CTNNA3: variants seen among roughly 807,000 people sequenced by gnomAD.
CTNNA3 encodes catenin alpha 3.
CTNNA3 carries 76 observed loss-of-function variants against 95.7 expected under a neutral mutation model. The ratio of observed to expected loss-of-function variants is 0.79; its 90% confidence interval spans 0.66 to 0.96. CTNNA3 has a LOEUF of 0.96. Among genes scored for constraint, CTNNA3 ranks in the 40% least tolerant of loss-of-function variants. The pLI is 0.00. For synonymous variants in CTNNA3, 431 were observed against 374.4 expected, an observed-to-expected ratio of 1.15 and a Z score of -1.74; for missense variants, 1,191 against 1,089.8, an observed-to-expected ratio of 1.09 and a Z score of -1.31.
chr10:66,642,208 T>G (rs1845539270), intron 9 of CTNNA3, among the ~76,000 whole-genome samples: 1 of 151,674 alleles, frequency 6.6e-6, no homozygotes, highest in Non-Finnish European at 1.5e-5. Context: ...GAAATTCTCA[T>G]TTTCTTCAGA....
chr10:66,658,212 T>TTC (rs1358467861), intron 9 of CTNNA3, among the ~76,000 whole-genome samples: 14 of 132,664 alleles, frequency 1.1e-4, no homozygotes, highest in Admixed American at 9.2e-4. Context: ...GACTAGAAAA[T>TTC]TCTCTCTCTC....
chr10:67,555,446 G>C (rs1841205448), intron 3 of CTNNA3, among the ~76,000 whole-genome samples: 1 of 152,150 alleles, frequency 6.6e-6, no homozygotes, highest in African/African-American at 2.4e-5. Flanking sequence ...GTGGTTTGTA[G>C]TTCTCCTTGA....
intron 5 of CTNNA3, among the ~76,000 whole-genome samples, chr10:67,342,061 T>C (rs1016345858): frequency 6.7e-6 from 1 of 150,266 alleles, no homozygotes; most frequent in Non-Finnish European, 1.5e-5. Context: ...AGTTTCCCAG[T>C]ATATATTTTT....
intron 7 of CTNNA3, among the ~76,000 whole-genome samples, chr10:66,784,302 ATAAAT>A (rs148909340): frequency 0.09 from 13,682 of 152,234 alleles, 792 homozygotes; most frequent in Non-Finnish European, 0.13. Context: ...TTCCTTCAAG[ATAAAT>A]TAGTAGGTAA....
At chr10:67,450,905 C>G (rs1440692754) in intron 5 of CTNNA3, among the ~76,000 whole-genome samples, 1 of 151,658 alleles carries the variant, frequency 6.6e-6, no homozygotes, top group Non-Finnish European at 1.5e-5. Flanking sequence ...GATATAATAT[C>G]TATATATCTA....
At chr10:66,191,607 G>A (rs1394325756) in intron 13 of CTNNA3, among the ~76,000 whole-genome samples, 2 of 104,834 alleles carry the variant, frequency 1.9e-5, no homozygotes, top group South Asian at 4.8e-4. Flanking sequence ...AATGTGAACT[G>A]TATGACTTGA....
intron 13 of CTNNA3, among the ~76,000 whole-genome samples, chr10:66,269,122 C>A (rs969112251): frequency 1.3e-5 from 2 of 152,176 alleles, no homozygotes; most frequent in African/African-American, 2.4e-5. Flanking sequence ...ATACATTAAC[C>A]CTTTTAAACT....
chr10:66,843,607 G>A (rs978616321), intron 7 of CTNNA3, among the ~76,000 whole-genome samples: 1 of 152,174 alleles, frequency 6.6e-6, no homozygotes, highest in Non-Finnish European at 1.5e-5. Context: ...AGAGGAACTT[G>A]ACAGAGTAGG....
At chr10:66,014,917 A>G (rs1263111268) in intron 15 of CTNNA3, among the ~76,000 whole-genome samples, 4 of 152,084 alleles carry the variant, frequency 2.6e-5, no homozygotes, top group Admixed American at 6.6e-5. Context: ...ATCCTGGCCA[A>G]CATGGTGAAA....
intron 9 of CTNNA3, among the ~76,000 whole-genome samples, chr10:66,764,338 C>T (rs1255474942): frequency 6.6e-6 from 1 of 152,128 alleles, no homozygotes. Context: ...TATAAGGTAG[C>T]ATTCCCAAGT....
chr10:66,505,649 C>A (rs1707591389), intron 11 of CTNNA3, among the ~76,000 whole-genome samples: 1 of 152,020 alleles, frequency 6.6e-6, no homozygotes, highest in Admixed American at 6.6e-5. Flanking sequence ...CTGGTTCTCA[C>A]CTTCCTATTG....
intron 6 of CTNNA3, among the ~76,000 whole-genome samples, chr10:67,204,553 T>C (rs952637047): frequency 5.9e-5 from 9 of 152,182 alleles, no homozygotes; most frequent in African/African-American, 1.2e-4. Context: ...CAGGTATTCA[T>C]AGCAGTGCAA....
chr10:67,023,373 C>A (rs891676710), intron 7 of CTNNA3, among the ~76,000 whole-genome samples: 1 of 152,056 alleles, frequency 6.6e-6, no homozygotes, highest in Non-Finnish European at 1.5e-5. Context: ...TTCCTGAAGT[C>A]AAGAACTTCA....
intron 12 of CTNNA3, among the ~76,000 whole-genome samples, chr10:66,290,834 C>T (rs2091669370): frequency 6.6e-6 from 1 of 152,124 alleles, no homozygotes; most frequent in Admixed American, 6.6e-5. Flanking sequence ...TGAGTTACTT[C>T]TTGTAGGATG....
intron 11 of CTNNA3, among the ~76,000 whole-genome samples, chr10:66,486,236 A>G (rs914745556): frequency 1.3e-5 from 2 of 152,226 alleles, no homozygotes; most frequent in African/African-American, 4.8e-5. Flanking sequence ...TCATTTGTAC[A>G]GCAAGGAAAC....
intron 9 of CTNNA3, among the ~76,000 whole-genome samples, chr10:66,765,504 C>T (rs1564667740): frequency 6.6e-6 from 1 of 152,102 alleles, no homozygotes; most frequent in African/African-American, 2.4e-5. Flanking sequence ...ATCTATGGAT[C>T]TAGTAGATAA....
chr10:66,508,188 T>G (rs1029210761), intron 11 of CTNNA3, among the ~76,000 whole-genome samples: 25 of 145,536 alleles, frequency 1.7e-4, no homozygotes, highest in South Asian at 4.3e-4. Context: ...TTGTTTTTTT[T>G]TTTTGTTTTG....
At position 65,920,263 on chromosome 10, in the gene CTNNA3, G is replaced by T; in HGVS notation, c.*67C>A. ...TTAGTGAAATTACAGAACTTCTTAA[G>T]TGTAAAATAAAGCAGTGTGGTTAGG... On this transcript the variant is annotated 3_prime_UTR_variant, in exon 18 of 18. Transcript: ENST00000433211. 7.5e-7 allele frequency: 1 copy of T among 1,331,904 alleles called. No individual in the cohort carries two copies. The highest frequency in any genetic ancestry group is 1.0e-6 in the Non-Finnish European group (1 of 956,366). The allele number at this position is 1,331,904 out of a possible 1,614,324, so 82.5% of individuals were successfully genotyped here.
At chr10:66,943,147 G>C (rs1848099826) in intron 7 of CTNNA3, among the ~76,000 whole-genome samples, 1 of 152,144 alleles carries the variant, frequency 6.6e-6, no homozygotes, top group Non-Finnish European at 1.5e-5. Context: ...TCCTTCACTG[G>C]AGACATGAAA....
Sources: allele counts gnomAD v4.1 joint callset (sites outside exome capture counted in the v4.1 genomes callset), GRCh38; gene constraint gnomAD v4.1.1; transcripts MANE v1.5; gene names NCBI Gene and HGNC (gene_info 2026-07-23, HGNC 2026-07-21).